UVRAG: variants seen among roughly 807,000 people sequenced by gnomAD.
UVRAG encodes UV radiation resistance-associated gene protein.
Under a neutral mutation model 78.0 loss-of-function variants are expected in UVRAG, and 19 were observed. The observed-to-expected ratio is 0.24, with a 90% confidence interval of 0.17 to 0.36. The LOEUF (loss-of-function observed/expected upper bound fraction) is 0.36, where lower values mean the gene tolerates loss of function less well. Ranked by LOEUF, UVRAG falls within the 10% of genes least tolerant of loss-of-function variation. The pLI is 1.00. For synonymous variants in UVRAG, 323 were observed against 324.6 expected, an observed-to-expected ratio of 1.00 and a Z score of 0.05; for missense variants, 740 against 853.8, an observed-to-expected ratio of 0.87 and a Z score of 1.66.
intron 3 of UVRAG, among the ~76,000 whole-genome samples, chr11:75,869,185 C>T (rs979964874): frequency 7.2e-5 from 11 of 152,196 alleles, no homozygotes; most frequent in Non-Finnish European, 1.5e-4. Flanking sequence ...ATCCCACTTC[C>T]TTCCACTGAT....
intron 1 of UVRAG, among the ~76,000 whole-genome samples, chr11:75,824,125 A>G (rs1304633371): frequency 1.3e-5 from 2 of 152,174 alleles, no homozygotes; most frequent in African/African-American, 2.4e-5. Flanking sequence ...GCCTCACGCA[A>G]TGCACTACCA....
chr11:75,839,825 G>GTATA lies in UVRAG; in HGVS notation c.118-12047_118-12044dup, dbSNP rs35667790. Among the ~76,000 whole-genome samples the GTATA allele has an allele frequency of 1.2e-3, 172 of 149,082 alleles. 1 individual carries two copies. The highest frequency in any genetic ancestry group is 7.8e-3 in the South Asian group (37 of 4,720). On this transcript the variant is annotated intron_variant, in intron 1 of 14. Transcript: ENST00000356136. ...TGTGTGTGTGTTTTTGTGTGTGTGT[G>GTATA]TATATATATATATACACACCCCCAC...
At chr11:76,060,769 C>T (rs1465645478) in intron 12 of UVRAG, among the ~76,000 whole-genome samples, 3 of 152,214 alleles carry the variant, frequency 2.0e-5, no homozygotes, top group Non-Finnish European at 2.9e-5. Flanking sequence ...GCGCTGCACT[C>T]GATTTCTCGC....
chr11:76,071,072 C>A (rs922809826), intron 13 of UVRAG, among the ~76,000 whole-genome samples: 1 of 152,084 alleles, frequency 6.6e-6, no homozygotes, highest in African/African-American at 2.4e-5. Flanking sequence ...AAAGAAAGAT[C>A]CCTGTCTCGT....
At chr11:75,981,106 G>A (rs879572584) in intron 7 of UVRAG, among the ~76,000 whole-genome samples, 1 of 151,804 alleles carries the variant, frequency 6.6e-6, no homozygotes, top group Non-Finnish European at 1.5e-5. Context: ...GCCTAATTTG[G>A]TAAGTTTTTA....
intron 12 of UVRAG, among the ~76,000 whole-genome samples, chr11:76,040,421 C>T (rs1330998530): frequency 6.8e-6 from 1 of 146,982 alleles, no homozygotes; most frequent in East Asian, 2.0e-4. Context: ...TGCAGTGAGC[C>T]GAGATCACAC....
chr11:75,875,410 T>C (rs1420128672), intron 3 of UVRAG, among the ~76,000 whole-genome samples: 2 of 152,126 alleles, frequency 1.3e-5, no homozygotes, highest in Non-Finnish European at 2.9e-5. Flanking sequence ...GTTTTATGTG[T>C]TCTGATATGG....
chr11:75,978,874 C>T (rs566557604), intron 7 of UVRAG, among the ~76,000 whole-genome samples: 3 of 152,366 alleles, frequency 2.0e-5, no homozygotes, highest in East Asian at 1.9e-4. Context: ...CTTCTCTCTG[C>T]TCGTCAAAGT....
chr11:75,818,342 ATTAC>A (rs1055195387), intron 1 of UVRAG, among the ~76,000 whole-genome samples: 2 of 151,302 alleles, frequency 1.3e-5, no homozygotes, highest in Non-Finnish European at 1.5e-5. Flanking sequence ...TTTTTTAAGT[ATTAC>A]TTTGTTGCCT....
Position 76,140,821 on chromosome 11 carries a change from A to G in UVRAG, c.1508A>G (p.His503Arg), listed in dbSNP as rs377746842. Residue 503 changes from histidine (H) to arginine (R), a missense_variant, in exon 15 of 15, where the codon CAT (histidine) becomes CGT (arginine). By Grantham distance (29) the His-to-Arg change is conservative. Transcript: ENST00000356136. ...SGGIPSPDKG[H>R]RKRASSENER... ...GGGATCCCTTCACCAGACAAAGGACATCGAAAACGGGCCAGCTCTGAGAAT... is the reference window on the plus strand; with the variant it reads ...GGGATCCCTTCACCAGACAAAGGACGTCGAAAACGGGCCAGCTCTGAGAAT... 12 of 1,614,058 alleles carry G rather than the reference A, an allele frequency of 7.4e-6. No individual in the cohort carries two copies. In the African/African-American group the frequency reaches 8.0e-5, roughly 11 times the overall value.
At chr11:75,992,768 T>G (rs530951315) in intron 8 of UVRAG, among the ~76,000 whole-genome samples, 7 of 152,348 alleles carry the variant, frequency 4.6e-5, no homozygotes, top group African/African-American at 1.7e-4. Flanking sequence ...TTCTTGTACA[T>G]TTACATGAAG....
chr11:75,817,942 C>T (rs1945295386), intron 1 of UVRAG, among the ~76,000 whole-genome samples: 1 of 151,058 alleles, frequency 6.6e-6, no homozygotes, highest in Non-Finnish European at 1.5e-5. Flanking sequence ...CATTTGTAAT[C>T]CCAGCTACTT....
intron 6 of UVRAG, among the ~76,000 whole-genome samples, chr11:75,959,723 G>A (rs1452886775): frequency 1.3e-5 from 2 of 152,194 alleles, no homozygotes; most frequent in Non-Finnish European, 2.9e-5. Context: ...TTTCATGCAA[G>A]AGGCCTAGTT....
At chr11:75,835,037 A>G (rs1028767512) in intron 1 of UVRAG, among the ~76,000 whole-genome samples, 1 of 152,134 alleles carries the variant, frequency 6.6e-6, no homozygotes, top group East Asian at 1.9e-4. Flanking sequence ...ACTATAACTG[A>G]TAACACTGGT....
intron 12 of UVRAG, among the ~76,000 whole-genome samples, chr11:76,029,319 C>T (rs555231751): frequency 1.6e-4 from 25 of 152,104 alleles, no homozygotes; most frequent in African/African-American, 5.1e-4. Flanking sequence ...GTATCCATTC[C>T]GCAACCCATG....
intron 12 of UVRAG, among the ~76,000 whole-genome samples, chr11:76,027,519 T>A (rs938047122): frequency 1.1e-4 from 17 of 152,098 alleles, no homozygotes; most frequent in African/African-American, 3.1e-4. Flanking sequence ...TTTGGGGTCA[T>A]GTTGGCTTCT....
intron 3 of UVRAG, among the ~76,000 whole-genome samples, chr11:75,862,684 T>G (rs1946448633): frequency 6.6e-6 from 1 of 152,222 alleles, no homozygotes; most frequent in Non-Finnish European, 1.5e-5. Context: ...TATGGCTATC[T>G]CATCTAGAGC....
At chr11:75,951,611 G>C (rs967072195) in intron 6 of UVRAG, among the ~76,000 whole-genome samples, 9 of 152,056 alleles carry the variant, frequency 5.9e-5, no homozygotes, top group African/African-American at 1.7e-4. Flanking sequence ...CGAACTCCCA[G>C]CCTCAGGTGA....
At chr11:75,834,715 G>A (rs1945741417) in intron 1 of UVRAG, among the ~76,000 whole-genome samples, 1 of 152,154 alleles carries the variant, frequency 6.6e-6, no homozygotes, top group Admixed American at 6.5e-5. Flanking sequence ...TTGAGAGGCT[G>A]AGGCAGGAGA....
Sources: gnomAD v4.1 joint callset for allele counts (sites outside exome capture counted in the v4.1 genomes callset) on GRCh38, gnomAD v4.1.1 for gene constraint, MANE v1.5 for transcripts, NCBI Gene and HGNC (gene_info 2026-07-23, HGNC 2026-07-21) for gene names.